The following WWOX variants were observed in gnomAD, a reference collection of about 807,000 sequenced individuals.
The protein encoded by WWOX is WW domain containing oxidoreductase.
Under a neutral mutation model 46.2 loss-of-function variants are expected in WWOX, and 69 were observed. That is an observed-to-expected ratio of 1.49 (90% CI 1.23 to 1.82). The LOEUF is 1.82. Among genes scored for constraint, WWOX ranks in the 40% most tolerant of loss-of-function variants. The probability of loss-of-function intolerance (pLI) is 0.00; values close to 1 mark genes in which losing one functional copy is unlikely to be tolerated. For synonymous variants in WWOX, 359 were observed against 202.6 expected, an observed-to-expected ratio of 1.77 and a Z score of -6.56; for missense variants, 919 against 542.6, an observed-to-expected ratio of 1.69 and a Z score of -6.89.
chr16:79,075,851 A>G (rs1373552668), intron 8 of WWOX, among the ~76,000 whole-genome samples: 1 of 152,184 alleles, frequency 6.6e-6, no homozygotes, highest in Non-Finnish European at 1.5e-5. Flanking sequence ...AACTATCTCA[A>G]AAAAACATAT....
chr16:78,100,536 C>T (rs1281764200), intron 1 of WWOX, among the ~76,000 whole-genome samples: 2 of 152,242 alleles, frequency 1.3e-5, no homozygotes, highest in Non-Finnish European at 2.9e-5. Flanking sequence ...CAGGCGTGAG[C>T]CACTGCGCCT....
At chr16:78,470,082 C>G (rs1372539038) in intron 8 of WWOX, among the ~76,000 whole-genome samples, 1 of 152,246 alleles carries the variant, frequency 6.6e-6, no homozygotes, top group Non-Finnish European at 1.5e-5. Flanking sequence ...AATTAGCAGG[C>G]TGCTCTCTTC....
chr16:78,632,456 G>A (rs533224860), intron 8 of WWOX, among the ~76,000 whole-genome samples: 2 of 151,350 alleles, frequency 1.3e-5, no homozygotes, highest in African/African-American at 4.9e-5. Context: ...TGAAGAGGGT[G>A]TAGGCCAAGA....
intron 8 of WWOX, among the ~76,000 whole-genome samples, chr16:78,846,360 C>A (rs561049155): frequency 1.3e-5 from 2 of 152,120 alleles, no homozygotes; most frequent in African/African-American, 4.8e-5. Flanking sequence ...TCTTTTACAA[C>A]CAGATACCAC....
chr16:79,063,502 C>G (rs1013210440), intron 8 of WWOX, among the ~76,000 whole-genome samples: 1 of 152,106 alleles, frequency 6.6e-6, no homozygotes, highest in African/African-American at 2.4e-5. Flanking sequence ...AGAAATAAAA[C>G]AAAACCAAAC....
At chr16:78,788,505 C>A (rs2050512615) in intron 8 of WWOX, among the ~76,000 whole-genome samples, 1 of 152,298 alleles carries the variant, frequency 6.6e-6, no homozygotes, top group Non-Finnish European at 1.5e-5. Flanking sequence ...CCCATAAAAA[C>A]CCAAGAGGGC....
At chr16:78,601,112 G>C (rs991504474) in intron 8 of WWOX, among the ~76,000 whole-genome samples, 1 of 152,204 alleles carries the variant, frequency 6.6e-6, no homozygotes, top group East Asian at 1.9e-4. Flanking sequence ...GGGTGTATAA[G>C]TGACATGGCT....
chr16:79,099,828 C>G (rs1004162125), intron 8 of WWOX, among the ~76,000 whole-genome samples: 3 of 152,094 alleles, frequency 2.0e-5, no homozygotes. Flanking sequence ...AGGGTTAAAT[C>G]AGAGCAACAG....
chr16:79,163,505 ATGT>A (rs1469101209), intron 8 of WWOX, among the ~76,000 whole-genome samples: 2 of 152,164 alleles, frequency 1.3e-5, no homozygotes, highest in Non-Finnish European at 2.9e-5. Flanking sequence ...ATTCATCATG[ATGT>A]TAGAGAAAGG....
intron 8 of WWOX, among the ~76,000 whole-genome samples, chr16:79,175,559 G>A (rs1028535357): frequency 1.3e-4 from 20 of 152,094 alleles, no homozygotes; most frequent in Admixed American, 9.2e-4. Flanking sequence ...TCATTCCTGG[G>A]TGAAAGAATC....
At chr16:79,062,837 A>G (rs751381074) in intron 8 of WWOX, among the ~76,000 whole-genome samples, 1 of 152,152 alleles carries the variant, frequency 6.6e-6, no homozygotes, top group Non-Finnish European at 1.5e-5. Flanking sequence ...TTTCCATTAT[A>G]AATGTCGAAT....
intron 8 of WWOX, among the ~76,000 whole-genome samples, chr16:78,772,592 T>A (rs1177355863): frequency 6.6e-6 from 1 of 152,162 alleles, no homozygotes; most frequent in Non-Finnish European, 1.5e-5. Context: ...TGGAAGAGAT[T>A]AAACAAACAA....
intron 5 of WWOX, among the ~76,000 whole-genome samples, chr16:78,204,721 C>T (rs2036338461): frequency 1.3e-5 from 2 of 152,120 alleles, no homozygotes; most frequent in Admixed American, 1.3e-4. Flanking sequence ...GGCAGGAAGG[C>T]CCTGAGAAAT....
rs541299046 is a variant in WWOX at position 78,661,849 on chromosome 16, C to A, written c.1056+229097C>A. On this transcript the variant is annotated intron_variant, in intron 8 of 8. Transcript: ENST00000566780. The stretch of plus-strand genomic sequence containing the variant: ...TCCAGGAGTTAGAGACCAGCCTGGG[C>A]AAACAGCCTGAGGCAAAACCTCATC... Among the ~76,000 whole-genome samples, 17 of 152,302 alleles carry A rather than the reference C, an allele frequency of 1.1e-4. No individual in the cohort carries two copies. In the East Asian group the frequency reaches 3.3e-3, roughly 29 times the overall value.
In WWOX at chr16:79,179,021, G is replaced by T. The variant is rs183914933; in HGVS notation, c.1057-32587G>T. On this transcript the variant is annotated intron_variant, in intron 8 of 8. Transcript: ENST00000566780. ...CAGCAGTGAGAAGAATCAGTCTACT[G>T]TGCTAAACCTGGCCCTGCCTCAGCA... is the stretch of plus-strand genomic sequence containing the variant. Among the ~76,000 whole-genome samples, 298 of 152,258 alleles carry T rather than the reference G, an allele frequency of 2.0e-3. 1 individual carries two copies. Among genetic ancestry groups the T allele is most frequent in the Non-Finnish European group, 3.1e-3 (212 of 68,028 alleles).
intron 8 of WWOX, among the ~76,000 whole-genome samples, chr16:79,054,924 T>C (rs1466559777): frequency 6.6e-6 from 1 of 152,208 alleles, no homozygotes; most frequent in Non-Finnish European, 1.5e-5. Context: ...TTAAAAGCAA[T>C]TGCAGCAAAT....
At chr16:78,548,065 G>C (rs931849573) in intron 8 of WWOX, among the ~76,000 whole-genome samples, 4 of 146,530 alleles carry the variant, frequency 2.7e-5, no homozygotes, top group Admixed American at 2.1e-4. Flanking sequence ...TGAGGCAGGA[G>C]AATCACTTGA....
intron 8 of WWOX, among the ~76,000 whole-genome samples, chr16:78,590,647 GTAAAACAGTTTA>G (rs2045330261): frequency 4.6e-5 from 7 of 152,310 alleles, no homozygotes; most frequent in African/African-American, 1.7e-4. Flanking sequence ...TTGTAACTCA[GTAAAACAGTTTA>G]GAAATTTAAA....
intron 8 of WWOX, chr16:79,004,511 T>C (rs2047154990): frequency 6.6e-6 from 1 of 152,296 alleles, no homozygotes; most frequent in South Asian, 2.1e-4. Context: ...GTTTCTATTA[T>C]AGCCCTGGTG....
Sources: gnomAD v4.1 joint callset for allele counts (sites outside exome capture counted in the v4.1 genomes callset) on GRCh38, gnomAD v4.1.1 for gene constraint, MANE v1.5 for transcripts, NCBI Gene and HGNC (gene_info 2026-07-23, HGNC 2026-07-21) for gene names.